Variants in EDARADD observed in about 807,000 individuals in gnomAD.
EDARADD encodes ectodysplasin-A receptor-associated adapter protein.
Under a neutral mutation model 25.6 loss-of-function variants are expected in EDARADD, and 20 were observed. That is an observed-to-expected ratio of 0.78 (90% CI 0.55 to 1.14). The LOEUF is 1.14. Ranked by LOEUF, EDARADD falls within the 50% of genes most tolerant of loss-of-function variation. The pLI, the probability that EDARADD is intolerant of heterozygous loss-of-function variation, is 0.00. For missense variants in EDARADD, 225 were observed against 270.1 expected, an observed-to-expected ratio of 0.83 and a Z score of 1.17; for synonymous variants, 86 against 94.4, an observed-to-expected ratio of 0.91 and a Z score of 0.52.
chr1:236,451,141 T>G (rs1571942937), intron 4 of EDARADD, among the ~76,000 whole-genome samples: 1 of 152,266 alleles, frequency 6.6e-6, no homozygotes, highest in East Asian at 1.9e-4. Context: ...CTCAATACTG[T>G]ATGACTGGAA....
At chr1:236,439,151 G>T (rs1008782823) in intron 4 of EDARADD, among the ~76,000 whole-genome samples, 2 of 152,150 alleles carry the variant, frequency 1.3e-5, no homozygotes, top group Non-Finnish European at 2.9e-5. Flanking sequence ...ATGAATTTAA[G>T]TTTTCTTGCT....
chr1:236,361,032 TA>T lies in EDARADD; in HGVS notation c.-6+10199del, dbSNP rs568690110. Among the ~76,000 whole-genome samples the T allele has an allele frequency of 6.3e-3, 952 of 152,142 alleles. 11 individuals carry two copies. Among genetic ancestry groups the T allele is most frequent in the African/African-American group, 0.022 (893 of 41,494 alleles). ...AAATAGTCTCATTTTAAGGTTTTTGTAAAAAACAAAAACAAAAACAAACGAA... is the reference window on the plus strand; with the variant it reads ...AAATAGTCTCATTTTAAGGTTTTTGTAAAAACAAAAACAAAAACAAACGAA... On this transcript the variant is annotated intron_variant, in intron 3 of 7. Transcript: ENST00000439430.
At chr1:236,468,713 G>T (rs537919113) in intron 5 of EDARADD, among the ~76,000 whole-genome samples, 2 of 152,178 alleles carry the variant, frequency 1.3e-5, no homozygotes, top group East Asian at 3.9e-4. Context: ...TTCTACCTGC[G>T]GTGCACTGCA....
chr1:236,483,507 T>C lies in EDARADD; in HGVS notation c.*858T>C. The C allele has an allele frequency of 9.9e-7, 1 of 1,009,018 alleles. No individual in the cohort carries two copies. Among genetic ancestry groups the C allele is most frequent in the Non-Finnish European group, 1.6e-6 (1 of 631,000 alleles). 62.5% of individuals were successfully genotyped at this position (1,009,018 alleles called of 1,614,324 possible). A position where few individuals can be genotyped will look rare whatever the true frequency, so the allele number is the denominator to read the frequency against. On this transcript the variant is annotated 3_prime_UTR_variant, in exon 6 of 6. Coordinates refer to ENST00000334232, the MANE Select transcript of EDARADD (RefSeq NM_145861.4). ...TGGTGCAAATGCCATTCTGGGAGTG[T>C]CCCTCGCTGCCTGCAAAGCTAGTGC... is the stretch of plus-strand genomic sequence containing the variant.
intron 3 of EDARADD, among the ~76,000 whole-genome samples, chr1:236,378,454 T>A (rs970917965): frequency 2.6e-5 from 4 of 152,074 alleles, no homozygotes; most frequent in Non-Finnish European, 5.9e-5. Flanking sequence ...CCTGGGGAGG[T>A]TTCTACTCCC....
rs1256518483 is a variant in EDARADD at position 236,395,917 on chromosome 1, C to G, written c.61+1412C>G. Reference sequence around the variant, plus strand: ...CGCGTCAGCCACCGCGCGCCTTCCCCCTGCCCATGCCGCAGCCCCCGTGGC... The same window carrying G: ...CGCGTCAGCCACCGCGCGCCTTCCCGCTGCCCATGCCGCAGCCCCCGTGGC... On this transcript the variant is annotated intron_variant, in intron 1 of 5. Transcript: ENST00000334232. The surrounding 1 kb of genome is among the most constrained non-coding windows in gnomAD (Gnocchi z 6.9). 6.6e-6 allele frequency among the ~76,000 whole-genome samples: 1 copy of G among 152,192 alleles called. No homozygotes were observed. The highest frequency in any genetic ancestry group is 6.5e-5 in the Admixed American group (1 of 15,288).
At chr1:236,404,932 A>G (rs1424599108) in intron 1 of EDARADD, among the ~76,000 whole-genome samples, 4 of 152,132 alleles carry the variant, frequency 2.6e-5, no homozygotes, top group Non-Finnish European at 5.9e-5. Flanking sequence ...CATCTCTACT[A>G]AAAATGCAAA....
intron 5 of EDARADD, among the ~76,000 whole-genome samples, chr1:236,474,556 C>T: frequency 6.6e-6 from 1 of 152,116 alleles, no homozygotes; most frequent in South Asian, 2.1e-4. Context: ...CTCTCCAAAC[C>T]AATAATTAAT....
chr1:236,372,622 G>C (rs1667185176), intron 3 of EDARADD, among the ~76,000 whole-genome samples: 1 of 152,182 alleles, frequency 6.6e-6, no homozygotes, highest in African/African-American at 2.4e-5. Flanking sequence ...TTCTGGAAGA[G>C]AGAATTGGTA....
chr1:236,414,346 T>C, intron 3 of EDARADD, 47 bp downstream of exon 3: 2 of 1,496,338 alleles, frequency 1.3e-6, no homozygotes, highest in South Asian at 1.1e-5. Context: ...TATTTTAATA[T>C]TGTGAACAAA....
chr1:236,483,090 G>A lies in EDARADD; in HGVS notation c.*441G>A. On this transcript the variant is annotated 3_prime_UTR_variant, in exon 6 of 6. Transcript: ENST00000334232. ...CGGTTTCAAAGAAAACAGCTACAAG[G>A]AATGCTTACCTGAGTGTCTGCAGCA... 1.0e-6 allele frequency: 1 copy of A among 970,074 alleles called. No homozygotes were observed. Among genetic ancestry groups the A allele is most frequent in the Non-Finnish European group, 1.6e-6 (1 of 626,154 alleles). 60.1% of individuals were successfully genotyped at this position (970,074 alleles called of 1,614,324 possible). A position where few individuals can be genotyped will look rare whatever the true frequency, so the allele number is the denominator to read the frequency against.
At chr1:236,444,928 A>G (rs910716551) in intron 4 of EDARADD, among the ~76,000 whole-genome samples, 1 of 152,000 alleles carries the variant, frequency 6.6e-6, no homozygotes, top group African/African-American at 2.4e-5. Flanking sequence ...CATAGATCAT[A>G]TATGTATTTT....
chr1:236,368,502 G>A (rs12032991), intron 3 of EDARADD, among the ~76,000 whole-genome samples: 21,387 of 148,260 alleles, frequency 0.14, 2,039 homozygotes, highest in East Asian at 0.43. Flanking sequence ...GTGCAGTGGC[G>A]CTATCTCAGC....
rs796610771 is a variant in EDARADD, at chr1:236,363,030, T to TATATATATATATATAA, written c.-6+12194_-6+12195insTATATATATATAAATA. On this transcript the variant is annotated intron_variant, in intron 3 of 7. Coordinates refer to the EDARADD transcript ENST00000439430. Reference sequence around the variant, plus strand: ...AAATATATATATATATATATATATATATAAAATTTGTGTACAGACAGAGTC... The same window carrying TATATATATATATATAA: ...AAATATATATATATATATATATATATATATATATATATATAAATAAAATTTGTGTACAGACAGAGTC... Among the ~76,000 whole-genome samples, 202 of 101,792 alleles carry TATATATATATATATAA rather than the reference T, an allele frequency of 2.0e-3. 2 individuals are homozygous for TATATATATATATATAA. The highest frequency in any genetic ancestry group is 0.01 in the East Asian group (18 of 1,726). The allele number at this position is 101,792 out of a possible 152,430, so 66.8% of individuals were successfully genotyped here.
chr1:236,452,505 T>G (rs12129254), intron 4 of EDARADD, among the ~76,000 whole-genome samples: 5 of 144,970 alleles, frequency 3.4e-5, no homozygotes, highest in South Asian at 2.2e-4. Context: ...ATCCCCCCTC[T>G]CTCTCTCTCT....
intron 3 of EDARADD, among the ~76,000 whole-genome samples, chr1:236,355,508 T>C (rs533593396): frequency 1.5e-5 from 2 of 131,412 alleles, no homozygotes; most frequent in Admixed American, 1.6e-4. Context: ...TTCTTTTTTT[T>C]TTTTTTTTTT....
rs1659782573 is a variant in EDARADD at position 236,484,688 on chromosome 1, C to A, written c.*2039C>A. ...GCGCCACTGCACACCAGTCTGGAGACAGAGTGAGAGTCCGTCCCAGAAAAA... is the reference window on the plus strand; with the variant it reads ...GCGCCACTGCACACCAGTCTGGAGAAAGAGTGAGAGTCCGTCCCAGAAAAA... On this transcript the variant is annotated 3_prime_UTR_variant, in exon 6 of 6. Transcript: ENST00000334232. This position sits in a 1 kb window ranked among gnomAD's most constrained non-coding sequence, Gnocchi z 4.1. 4 of 305,352 alleles carry A rather than the reference C, an allele frequency of 1.3e-5. No individual in the cohort carries two copies. The highest frequency in any genetic ancestry group is 4.8e-5 in the Admixed American group (1 of 20,836). The allele number at this position is 305,352 out of a possible 1,614,324, so 18.9% of individuals were successfully genotyped here. A position where few individuals can be genotyped will look rare whatever the true frequency, so the allele number is the denominator to read the frequency against.
Position 236,483,850 on chromosome 1 carries a change from C to T in EDARADD, c.*1201C>T. On this transcript the variant is annotated 3_prime_UTR_variant, in exon 6 of 6. Coordinates refer to ENST00000334232, the MANE Select transcript of EDARADD (RefSeq NM_145861.4). ...AAAGAAGGCCTGGAGCTGCTGAAGA[C>T]TGCGATTGGGAAAGCTGGCTACACT... 7.1e-7 allele frequency: 1 copy of T among 1,417,384 alleles called. No individual in the cohort carries two copies. The highest frequency in any genetic ancestry group is 1.4e-5 in the African/African-American group (1 of 71,000). The allele number at this position is 1,417,384 out of a possible 1,614,324, so 87.8% of individuals were successfully genotyped here.
At chr1:236,461,117 C>T (rs534434921) in intron 4 of EDARADD, among the ~76,000 whole-genome samples, 214 of 152,218 alleles carry the variant, frequency 1.4e-3, no homozygotes, top group African/African-American at 5.0e-3. Context: ...CCACCGTGCC[C>T]AGCCTGAAAA....
Sources: allele counts gnomAD v4.1 joint callset (sites outside exome capture counted in the v4.1 genomes callset), GRCh38; gene constraint gnomAD v4.1.1; non-coding constraint Gnocchi (gnomAD v3.1); transcripts MANE v1.5; gene names NCBI Gene and HGNC (gene_info 2026-07-23, HGNC 2026-07-21).